The following CDKL1 variants were observed in gnomAD, a reference collection of about 807,000 sequenced individuals.
CDKL1 encodes the protein cyclin-dependent kinase-like 1.
Under a neutral mutation model 42.0 loss-of-function variants are expected in CDKL1, and 41 were observed. The observed-to-expected ratio is 0.98, with a 90% CI of 0.76 to 1.27. CDKL1 has a LOEUF of 1.27. Among genes scored for constraint, CDKL1 ranks in the 50% most tolerant of loss-of-function variants. The probability of loss-of-function intolerance (pLI) is 0.00; values close to 1 mark genes in which losing one functional copy is unlikely to be tolerated. For synonymous variants in CDKL1, 153 were observed against 158.6 expected, an observed-to-expected ratio of 0.96 and a Z score of 0.26; for missense variants, 394 against 428.4, an observed-to-expected ratio of 0.92 and a Z score of 0.71.
At chr14:50,381,620 C>T (rs1030559768) in intron 2 of CDKL1, among the ~76,000 whole-genome samples, 4 of 152,134 alleles carry the variant, frequency 2.6e-5, no homozygotes, top group African/African-American at 9.7e-5. Flanking sequence ...AGGAATAGTA[C>T]AATTGTGACA....
At chr14:50,361,004 A>G (rs1446041178) in intron 2 of CDKL1, among the ~76,000 whole-genome samples, 1 of 152,186 alleles carries the variant, frequency 6.6e-6, no homozygotes, top group Admixed American at 6.5e-5. Context: ...TGCTGTGAGC[A>G]TGAATGTACA....
At chr14:50,354,468 G>A (rs1398092067) in intron 3 of CDKL1, among the ~76,000 whole-genome samples, 2 of 152,180 alleles carry the variant, frequency 1.3e-5, no homozygotes, top group Admixed American at 6.5e-5. Flanking sequence ...AATCAATGAA[G>A]TCTTATGTCT....
intron 6 of CDKL1, among the ~76,000 whole-genome samples, chr14:50,339,383 G>A (rs3783418): frequency 0.082 from 12,536 of 152,124 alleles, 890 homozygotes; most frequent in East Asian, 0.38. Flanking sequence ...CAGCAAAACG[G>A]CAACAACCAC....
intron 8 of CDKL1, chr14:50,332,728 A>G: frequency 6.6e-7 from 1 of 1,503,794 alleles, no homozygotes. Flanking sequence ...AGTTTACCTC[A>G]GTGGCCAAAT....
rs2035405636 is a variant in CDKL1, at chr14:50,396,290, GCA to G, written c.-424_-423del. 9.8e-7 allele frequency: 1 copy of G among 1,017,038 alleles called. No individual in the cohort carries two copies. Among genetic ancestry groups the G allele is most frequent in the African/African-American group, 1.7e-5 (1 of 57,428 alleles). 63.0% of individuals were successfully genotyped at this position (1,017,038 alleles called of 1,614,324 possible). On this transcript the variant is annotated 5_prime_UTR_variant, in exon 2 of 10. Transcript: ENST00000395834. ...TATAAAATATTGGCACCAACGGACTGCACTAGAGCCCCACCCAACGATGAGTG... is the reference window on the plus strand; with the variant it reads ...TATAAAATATTGGCACCAACGGACTGCTAGAGCCCCACCCAACGATGAGTG...
intron 4 of CDKL1, among the ~76,000 whole-genome samples, chr14:50,343,413 G>A (rs376960608): frequency 2.0e-5 from 3 of 152,158 alleles, no homozygotes; most frequent in East Asian, 3.9e-4. Context: ...TTCCCCATGG[G>A]TATTTATTAT....
At chr14:50,366,983 G>A (rs534049619) in intron 2 of CDKL1, among the ~76,000 whole-genome samples, 2 of 152,324 alleles carry the variant, frequency 1.3e-5, no homozygotes, top group East Asian at 3.9e-4. Context: ...ATAAAAGCCA[G>A]GGAGTCCGCA....
upstream of CDKL1, chr14:50,397,221 A>C (rs201704353): frequency 1.6e-3 from 2,167 of 1,366,470 alleles, 1 homozygote; most frequent in Non-Finnish European, 2.0e-3. Context: ...CCCACACCTC[A>C]GAACCGCGGT....
At position 50,359,113 on chromosome 14, in the gene CDKL1, C is replaced by T. The variant is rs774208349; in HGVS notation, c.205G>A (p.Val69Ile). ...KHPNLVNLLE[V>I]FRRKRRLHLV... ...TGAAGCCTCCGTTTCCTCCTGAAGACTTCCAGGAGGTTAACAAGGTTGGGA... is the reference window on the plus strand; with the variant it reads ...TGAAGCCTCCGTTTCCTCCTGAAGATTTCCAGGAGGTTAACAAGGTTGGGA... Residue 69 changes from valine to isoleucine, a missense_variant, in exon 3 of 10, where the codon GTC (valine) becomes ATC (isoleucine). By Grantham distance (29) the Val-to-Ile change is conservative (BLOSUM62 3). Coordinates refer to ENST00000395834, the MANE Select transcript of CDKL1 (RefSeq NM_004196.7). 1.2e-6 allele frequency: 2 copies of T among 1,612,426 alleles called. No individual in the cohort carries two copies. Among genetic ancestry groups the T allele is most frequent in the East Asian group, 4.5e-5 (2 of 44,846 alleles).
intron 7 of CDKL1, chr14:50,335,569 G>T (rs1490156557): frequency 6.5e-7 from 1 of 1,535,746 alleles, no homozygotes; most frequent in South Asian, 1.2e-5. Context: ...CACTATAAAT[G>T]GGAGGAATGC....
upstream of CDKL1, chr14:50,397,245 C>A: frequency 2.2e-6 from 3 of 1,366,600 alleles, no homozygotes; most frequent in Non-Finnish European, 2.9e-6. Context: ...TCCCTTTGGT[C>A]CCTTGGAGGC....
At chr14:50,341,324 T>C in intron 5 of CDKL1, 92 bp from the exon 6 acceptor site, 2 of 1,457,926 alleles carry the variant, frequency 1.4e-6, no homozygotes, top group Non-Finnish European at 9.1e-7. Flanking sequence ...CTGTGCCCAA[T>C]TTTGTGGCCT....
At chr14:50,377,078 T>C (rs2034754230) in intron 2 of CDKL1, among the ~76,000 whole-genome samples, 1 of 152,158 alleles carries the variant, frequency 6.6e-6, no homozygotes, top group Non-Finnish European at 1.5e-5. Context: ...AGGAGGTCAG[T>C]GTTTTAGTCG....
intron 8 of CDKL1, chr14:50,332,709 T>A (rs562937986): frequency 6.5e-7 from 1 of 1,531,334 alleles, no homozygotes; most frequent in Non-Finnish European, 8.7e-7. Context: ...GAGTAAGATA[T>A]AATTTTAGAG....
At chr14:50,393,356 T>C (rs2035313076) in intron 2 of CDKL1, among the ~76,000 whole-genome samples, 1 of 152,256 alleles carries the variant, frequency 6.6e-6, no homozygotes, top group South Asian at 2.1e-4. Flanking sequence ...TGTACAACTT[T>C]GCATAAACAT....
At chr14:50,332,160 G>A (rs765008365) in intron 9 of CDKL1, 102 bp downstream of exon 9, 1 of 1,613,754 alleles carries the variant, frequency 6.2e-7, no homozygotes, top group Admixed American at 1.7e-5. Flanking sequence ...TCCTAGTGCT[G>A]GAATGAGGAT....
chr14:50,389,335 G>A (rs542780564), intron 2 of CDKL1, among the ~76,000 whole-genome samples: 303 of 152,044 alleles, frequency 2.0e-3, no homozygotes, highest in Middle Eastern at 3.4e-3. Flanking sequence ...CACACCCCAT[G>A]CACCTTTTTT....
At chr14:50,385,535 G>A (rs1447708061) in intron 2 of CDKL1, among the ~76,000 whole-genome samples, 5 of 151,926 alleles carry the variant, frequency 3.3e-5, no homozygotes, top group African/African-American at 4.8e-5. Context: ...GCCAGGCGTG[G>A]TGGCTCACAC....
chr14:50,342,453 G>A (rs751341177), intron 4 of CDKL1: 2 of 1,305,818 alleles, frequency 1.5e-6, no homozygotes, highest in Non-Finnish European at 1.9e-6. Flanking sequence ...AAAGGAAAAT[G>A]AAAGTAGGGT....
Sources: allele counts gnomAD v4.1 joint callset (sites outside exome capture counted in the v4.1 genomes callset), GRCh38; gene constraint gnomAD v4.1.1; transcripts MANE v1.5; gene names NCBI Gene and HGNC (gene_info 2026-07-23, HGNC 2026-07-21).